MCF2L2: variants seen among roughly 807,000 people sequenced by gnomAD.
MCF2L2 encodes the protein MCF.2 cell line derived transforming sequence-like 2, also known as probable guanine nucleotide exchange factor MCF2L2.
A neutral mutation model predicts 150.2 loss-of-function variants in MCF2L2; 102 were observed. The ratio of observed to expected loss-of-function variants is 0.68; its 90% CI spans 0.58 to 0.80. The LOEUF (loss-of-function observed/expected upper bound fraction) is 0.80, where lower values mean the gene tolerates loss of function less well. MCF2L2 is among the 30% of genes least tolerant of loss of function. The pLI is 0.00. For missense variants in MCF2L2, 1,256 were observed against 1,372.8 expected, an observed-to-expected ratio of 0.91 and a Z score of 1.34; for synonymous variants, 465 against 491.3, an observed-to-expected ratio of 0.95 and a Z score of 0.71.
At chr3:183,256,610 A>G (rs1051686507) in intron 15 of MCF2L2, among the ~76,000 whole-genome samples, 26 of 152,306 alleles carry the variant, frequency 1.7e-4, no homozygotes, top group African/African-American at 6.0e-4. Flanking sequence ...ACAAAGCCCA[A>G]AAGTTCAAGT....
Position 183,256,422 on chromosome 3 carries a change from CTT to C in MCF2L2, c.1862+20448_1862+20449del, listed in dbSNP as rs575515987. On this transcript the variant is annotated intron_variant, in intron 15 of 29. Coordinates refer to ENST00000328913, the MANE Select transcript of MCF2L2 (RefSeq NM_015078.4). ...ATCTTTATATTTAAAGGATAAGAAA[CTT>C]GATCAGGTGAGATACAAGATTTGAA... 3.3e-3 allele frequency among the ~76,000 whole-genome samples: 495 copies of C among 152,232 alleles called. 5 individuals are homozygous for C. In the Middle Eastern group the frequency reaches 0.034, roughly 10 times the overall value.
intron 1 of MCF2L2, among the ~76,000 whole-genome samples, chr3:183,402,210 G>A (rs1053687170): frequency 6.6e-6 from 1 of 151,916 alleles, no homozygotes; most frequent in Non-Finnish European, 1.5e-5. Context: ...TTGGGAGGCC[G>A]AGGCAGGCAG....
intron 14 of MCF2L2, among the ~76,000 whole-genome samples, chr3:183,285,508 G>A (rs145097465): frequency 4.5e-4 from 69 of 152,266 alleles, no homozygotes; most frequent in African/African-American, 1.4e-3. Flanking sequence ...CTGATAAAAC[G>A]GAAAACATCA....
rs534091381 is a variant in MCF2L2 at position 183,275,593 on chromosome 3, T to C, written c.1862+1279A>G. Among the ~76,000 whole-genome samples, 3 of 152,344 alleles carry C rather than the reference T, an allele frequency of 2.0e-5. No homozygotes were observed. In the East Asian group the frequency reaches 5.8e-4, roughly 29 times the overall value. The stretch of plus-strand genomic sequence containing the variant: ...TTCTCATAAGTATGATTTGGCAGTC[T>C]GCCATACGTTTTTTGTTTTTTTTCT... On this transcript the variant is annotated intron_variant, in intron 15 of 29. Transcript: ENST00000328913.
chr3:183,225,795 T>A (rs1723320897), intron 18 of MCF2L2: 1 of 152,240 alleles, frequency 6.6e-6, no homozygotes, highest in Non-Finnish European at 1.5e-5. Context: ...ATGGTGGCTA[T>A]TGTCAAAGCA....
intron 3 of MCF2L2, among the ~76,000 whole-genome samples, chr3:183,345,458 G>A (rs956663670): frequency 6.6e-6 from 1 of 152,040 alleles, no homozygotes; most frequent in African/African-American, 2.4e-5. Flanking sequence ...ATGCCCACAT[G>A]AGAAAGCAGG....
At chr3:183,204,201 A>T (rs1401005459) in intron 25 of MCF2L2, among the ~76,000 whole-genome samples, 1 of 152,222 alleles carries the variant, frequency 6.6e-6, no homozygotes, top group Non-Finnish European at 1.5e-5. Context: ...TAAAAAGACA[A>T]TGCACAGTAT....
chr3:183,224,237 G>T, intron 18 of MCF2L2, 47 bp from the exon 19 acceptor site: 1 of 1,213,694 alleles, frequency 8.2e-7, no homozygotes, highest in Non-Finnish European at 1.2e-6. Context: ...GCATTTTTCA[G>T]TAAGTGGACA....
Position 183,338,929 on chromosome 3 carries a change from T to A in MCF2L2, c.367-10A>T. 1.3e-6 allele frequency: 2 copies of A among 1,594,562 alleles called. No individual in the cohort carries two copies. The highest frequency in any genetic ancestry group is 1.1e-5 in the South Asian group (1 of 89,236). ...TTCCTGGAAATGCCACCTGCAAGCA[T>A]CAGGAAAAGTGTCAGGAGGAGAGAG... is the stretch of plus-strand genomic sequence containing the variant. On this transcript the variant is annotated splice_polypyrimidine_tract_variant and intron_variant, in intron 4 of 29. Coordinates refer to ENST00000328913, the MANE Select transcript of MCF2L2 (RefSeq NM_015078.4).
chr3:183,180,668 G>C (rs558367244), intron 27 of MCF2L2, among the ~76,000 whole-genome samples: 2 of 152,340 alleles, frequency 1.3e-5, no homozygotes, highest in South Asian at 2.1e-4. Context: ...CATCAGTCTT[G>C]TCTATGGCGC....
chr3:183,371,233 G>A (rs778579108), intron 3 of MCF2L2, among the ~76,000 whole-genome samples: 2 of 152,178 alleles, frequency 1.3e-5, no homozygotes, highest in Non-Finnish European at 2.9e-5. Context: ...TTTGCCATGG[G>A]TAAGGTCGCA....
chr3:183,348,344 G>A lies in MCF2L2; in HGVS notation c.276-6714C>T, dbSNP rs545993465. Among the ~76,000 whole-genome samples the A allele has an allele frequency of 7.7e-4, 113 of 147,536 alleles. 2 individuals carry two copies. The East Asian group carries it at 0.018, about 23-fold the overall frequency. On this transcript the variant is annotated intron_variant, in intron 3 of 29. Coordinates refer to ENST00000328913, the MANE Select transcript of MCF2L2 (RefSeq NM_015078.4). The stretch of plus-strand genomic sequence containing the variant: ...ACATGTTCTCACTCATAAATGGGAA[G>A]TGAACAATGAGAACACATGGACACA...
intron 6 of MCF2L2, among the ~76,000 whole-genome samples, chr3:183,322,524 T>C (rs538375601): frequency 5.9e-5 from 9 of 152,318 alleles, no homozygotes; most frequent in South Asian, 2.1e-4. Flanking sequence ...TTATCCCCTA[T>C]AGAGAAATAC....
chr3:183,287,035 A>G (rs911363291), intron 14 of MCF2L2, among the ~76,000 whole-genome samples: 1 of 152,182 alleles, frequency 6.6e-6, no homozygotes, highest in Non-Finnish European at 1.5e-5. Flanking sequence ...AATAAACAAC[A>G]TGGCAAAAGA....
intron 15 of MCF2L2, among the ~76,000 whole-genome samples, chr3:183,249,009 C>A (rs1724389178): frequency 1.3e-5 from 2 of 152,148 alleles, no homozygotes; most frequent in Admixed American, 1.3e-4. Context: ...TGTCTTCCTT[C>A]CCCCTGTACC....
At chr3:183,316,998 C>G (rs542205162) in intron 7 of MCF2L2, among the ~76,000 whole-genome samples, 2 of 152,136 alleles carry the variant, frequency 1.3e-5, no homozygotes, top group Non-Finnish European at 2.9e-5. Context: ...GAACCAACTA[C>G]GCCCGGCCAT....
At chr3:183,354,796 G>A (rs909427148) in intron 3 of MCF2L2, among the ~76,000 whole-genome samples, 2 of 152,040 alleles carry the variant, frequency 1.3e-5, no homozygotes, top group African/African-American at 2.4e-5. Flanking sequence ...TCATGGCGTC[G>A]TGGTCCTTAC....
chr3:183,179,219 A>T lies in MCF2L2; in HGVS notation c.*161T>A. The T allele has an allele frequency of 1.0e-6, 1 of 988,118 alleles. No homozygotes were observed. Among genetic ancestry groups the T allele is most frequent in the Admixed American group, 4.2e-5 (1 of 23,998 alleles). The allele number at this position is 988,118 out of a possible 1,614,324, so 61.2% of individuals were successfully genotyped here. ...GCGGAGCTAGGCGCGCACCCAGGAC[A>T]CCCCTCGGGCTCCTCGGAGGAGGCC... On this transcript the variant is annotated 3_prime_UTR_variant, in exon 30 of 30. Transcript: ENST00000328913. The surrounding 1 kb of genome is among the most constrained non-coding windows in gnomAD (Gnocchi z 4.2).
intron 1 of MCF2L2, among the ~76,000 whole-genome samples, chr3:183,420,978 T>C (rs1715853954): frequency 6.8e-6 from 1 of 146,236 alleles, no homozygotes; most frequent in Non-Finnish European, 1.5e-5. Context: ...TACAAGATTC[T>C]TGGTTGACAA....
Sources: allele counts gnomAD v4.1 joint callset (sites outside exome capture counted in the v4.1 genomes callset), GRCh38; gene constraint gnomAD v4.1.1; non-coding constraint Gnocchi (gnomAD v3.1); transcripts MANE v1.5; gene names NCBI Gene and HGNC (gene_info 2026-07-23, HGNC 2026-07-21).